Variants in SYNE1 observed in about 807,000 individuals in gnomAD.
SYNE1 encodes nesprin-1.
SYNE1 carries 616 observed loss-of-function variants against 1,111.0 expected under a neutral mutation model. The observed-to-expected ratio is 0.55, with a 90% CI of 0.52 to 0.59. The LOEUF (loss-of-function observed/expected upper bound fraction) is 0.59, where lower values mean the gene tolerates loss of function less well. Ranked by LOEUF, SYNE1 falls within the 20% of genes least tolerant of loss-of-function variation. SYNE1 has a pLI of 0.00. For missense variants in SYNE1, 10,006 were observed against 10,417.0 expected (o/e 0.96, Z 1.72); for synonymous variants, 3,855 against 3,825.8 (o/e 1.01, Z -0.28).
chr6:152,554,937 A>G (rs986196109), intron 3 of SYNE1, among the ~76,000 whole-genome samples: 3 of 152,194 alleles, frequency 2.0e-5, no homozygotes, highest in Non-Finnish European at 4.4e-5. Context: ...CTTAAGTTCT[A>G]ATTTTTACAC....
intron 59 of SYNE1, 102 bp from the exon 60 acceptor site, chr6:152,369,716 C>T (rs1021994719): frequency 4.6e-5 from 65 of 1,404,518 alleles, no homozygotes; most frequent in Non-Finnish European, 4.2e-5. Flanking sequence ...GGCACAGTGG[C>T]TCACGCCTGT....
At chr6:152,510,907 G>T in intron 7 of SYNE1, 104 bp downstream of exon 7, 1 of 1,045,740 alleles carries the variant, frequency 9.6e-7, no homozygotes, top group Non-Finnish European at 1.5e-6. Context: ...GCTAAGTTAA[G>T]GATCAACCCC....
intron 133 of SYNE1, 148 bp from the exon 134 acceptor site, chr6:152,152,289 C>T: frequency 2.7e-6 from 2 of 752,182 alleles, no homozygotes. Flanking sequence ...GTACACTTCC[C>T]CTTGTTAATG....
intron 128 of SYNE1, among the ~76,000 whole-genome samples, chr6:152,181,219 G>A (rs747393781): frequency 1.1e-4 from 9 of 84,298 alleles, no homozygotes; most frequent in East Asian, 3.0e-4. Context: ...CGAAACCTGC[G>A]TGGCCAACAT....
chr6:152,435,020 C>T (rs977659864), intron 33 of SYNE1: 1 of 151,996 alleles, frequency 6.6e-6, no homozygotes, highest in Admixed American at 6.6e-5. Context: ...TTTACTATTT[C>T]CATAACTTGA....
chr6:152,387,047 T>C (rs769867487), intron 54 of SYNE1, 25 bp downstream of exon 54: 3 of 1,592,726 alleles, frequency 1.9e-6, no homozygotes, highest in Non-Finnish European at 2.6e-6. Flanking sequence ...TTATAAAGCA[T>C]CTACTTTCAA....
chr6:152,514,551 A>G (rs2099101557), intron 6 of SYNE1, among the ~76,000 whole-genome samples: 1 of 151,942 alleles, frequency 6.6e-6, no homozygotes, highest in Non-Finnish European at 1.5e-5. Context: ...GGTGCAGCAA[A>G]CCACCATGGC....
intron 95 of SYNE1, among the ~76,000 whole-genome samples, chr6:152,287,793 C>G (rs868721751): frequency 1.3e-5 from 2 of 152,096 alleles, no homozygotes; most frequent in Non-Finnish European, 2.9e-5. Context: ...GTGATCTGCC[C>G]GCTTCAGCCT....
At chr6:152,202,112 C>T (rs1337391725) in intron 126 of SYNE1, among the ~76,000 whole-genome samples, 163 bp from the exon 127 acceptor site, 3 of 151,840 alleles carry the variant, frequency 2.0e-5, no homozygotes, top group Non-Finnish European at 4.4e-5. Flanking sequence ...TTTGGGAGGC[C>T]GAGGCGGGTG....
At chr6:152,258,608 C>T (rs1388467612) in intron 101 of SYNE1, among the ~76,000 whole-genome samples, 1 of 152,144 alleles carries the variant, frequency 6.6e-6, no homozygotes, top group Non-Finnish European at 1.5e-5. Context: ...GATCTCTTTG[C>T]TTTCATTATT....
At chr6:152,155,205 C>T in intron 132 of SYNE1, 163 bp from the exon 133 acceptor site, 1 of 711,922 alleles carries the variant, frequency 1.4e-6, no homozygotes, top group Non-Finnish European at 2.3e-6. Context: ...GCAAGAGAGA[C>T]AACTGCTTGA....
chr6:152,412,395 G>T (rs2098076172), intron 42 of SYNE1, among the ~76,000 whole-genome samples: 1 of 149,836 alleles, frequency 6.7e-6, no homozygotes, highest in African/African-American at 2.5e-5. Flanking sequence ...CCGCACTCCA[G>T]CCTGGGCGAC....
At chr6:152,509,708 C>A (rs566459275) in intron 8 of SYNE1, among the ~76,000 whole-genome samples, 2 of 151,606 alleles carry the variant, frequency 1.3e-5, no homozygotes, top group East Asian at 3.9e-4. Context: ...AAAAATGAGA[C>A]CAAAGGGAAA....
At chr6:152,217,309 T>G (rs993833301) in intron 121 of SYNE1, among the ~76,000 whole-genome samples, 1 of 146,382 alleles carries the variant, frequency 6.8e-6, no homozygotes, top group Non-Finnish European at 1.5e-5. Context: ...GGCAAGAGAA[T>G]GGCGTGAACC....
chr6:152,225,117 T>A (rs1278438612), intron 116 of SYNE1, among the ~76,000 whole-genome samples: 1 of 151,824 alleles, frequency 6.6e-6, no homozygotes, highest in Non-Finnish European at 1.5e-5. Context: ...ATTATCCCCA[T>A]TTTATAGATG....
chr6:152,281,768 T>G (rs1220512444), intron 97 of SYNE1, 39 bp downstream of exon 97: 4 of 1,612,160 alleles, frequency 2.5e-6, no homozygotes, highest in Non-Finnish European at 3.4e-6. Context: ...AAAATGTGCT[T>G]CATGATGTTG....
chr6:152,620,782 T>C (rs530404757), intron 3 of SYNE1, among the ~76,000 whole-genome samples: 6 of 152,336 alleles, frequency 3.9e-5, no homozygotes, highest in African/African-American at 1.4e-4. Context: ...TAACTATTTA[T>C]ATTATATGCA....
At chr6:152,514,590 C>T (rs1441375016) in intron 6 of SYNE1, among the ~76,000 whole-genome samples, 3 of 150,210 alleles carry the variant, frequency 2.0e-5, no homozygotes, top group Admixed American at 1.3e-4. Context: ...CAAACCTGCA[C>T]GTTCTGCACA....
intron 40 of SYNE1, 114 bp downstream of exon 40, chr6:152,419,455 A>G: frequency 8.9e-7 from 1 of 1,120,180 alleles, no homozygotes; most frequent in Admixed American, 2.7e-5. Context: ...ATATAAATAA[A>G]AAGTTAAATT....
Sources: allele counts gnomAD v4.1 joint callset (sites outside exome capture counted in the v4.1 genomes callset), GRCh38; gene constraint gnomAD v4.1.1; transcripts MANE v1.5; gene names NCBI Gene and HGNC (gene_info 2026-07-23, HGNC 2026-07-21).